PDS5B: variants seen among roughly 807,000 people sequenced by gnomAD.
PDS5B encodes the protein sister chromatid cohesion protein PDS5 homolog B.
In PDS5B, 51 loss-of-function variants were observed where a neutral mutation model predicts 184.1. The observed-to-expected ratio is 0.28, with a 90% CI of 0.22 to 0.35. PDS5B has a LOEUF of 0.35. PDS5B is among the 10% of genes least tolerant of loss of function. The pLI, the probability that PDS5B is intolerant of heterozygous loss-of-function variation, is 1.00. For missense variants in PDS5B, 1,180 were observed against 1,723.3 expected (o/e 0.68, Z 5.58); for synonymous variants, 566 against 569.2 (o/e 0.99, Z 0.08).
intron 25 of PDS5B, among the ~76,000 whole-genome samples, chr13:32,754,027 C>G (rs1177202547): frequency 6.6e-6 from 1 of 152,170 alleles, no homozygotes; most frequent in African/African-American, 2.4e-5. Context: ...TTATCTCACT[C>G]AGAAATCAGA....
chr13:32,695,553 A>G lies in PDS5B; in HGVS notation c.1551+1249A>G, dbSNP rs574505382. On this transcript the variant is annotated intron_variant, in intron 14 of 34. Transcript: ENST00000315596. ...GGCCAGAGATGTAAGAGTGTTTATT[A>G]AAATTTTAAGATGTTCTTACTTACA... is the stretch of plus-strand genomic sequence containing the variant. Among the ~76,000 whole-genome samples the G allele has an allele frequency of 2.0e-5, 3 of 152,154 alleles. No homozygotes were observed. The East Asian group carries it at 5.8e-4, about 29-fold the overall frequency.
chr13:32,752,859 C>T (rs1452810286), intron 24 of PDS5B, among the ~76,000 whole-genome samples: 2 of 152,108 alleles, frequency 1.3e-5, no homozygotes, highest in Non-Finnish European at 2.9e-5. Flanking sequence ...CAGGGTCTTG[C>T]TATGTCTGCC....
In PDS5B at chr13:32,775,099, T is replaced by C; in HGVS notation, c.*47T>C. 1 of 1,461,756 alleles carries C rather than the reference T, an allele frequency of 6.8e-7. No individual in the cohort carries two copies. The highest frequency in any genetic ancestry group is 9.4e-7 in the Non-Finnish European group (1 of 1,067,006). 90.5% of individuals were successfully genotyped at this position (1,461,756 alleles called of 1,614,324 possible). Reference sequence around the variant, plus strand: ...CTCTGTGAAAGCTTTGGAAAAATCTTTTTTTTTTTTTTTGGTCAAGCTTGA... The same window carrying C: ...CTCTGTGAAAGCTTTGGAAAAATCTCTTTTTTTTTTTTTGGTCAAGCTTGA... On this transcript the variant is annotated 3_prime_UTR_variant, in exon 35 of 35. Transcript: ENST00000315596.
chr13:32,770,901 T>C (rs1000897665), intron 33 of PDS5B, 140 bp downstream of exon 33: 2 of 648,186 alleles, frequency 3.1e-6, no homozygotes, highest in Non-Finnish European at 5.4e-6. Flanking sequence ...TTTTATAAAC[T>C]TACCTTAGTG....
At chr13:32,706,121 T>G (rs1438850690) in intron 17 of PDS5B, among the ~76,000 whole-genome samples, 1 of 151,808 alleles carries the variant, frequency 6.6e-6, no homozygotes, top group African/African-American at 2.4e-5. Context: ...CTACTAAAAA[T>G]ACAAAAATTA....
intron 17 of PDS5B, among the ~76,000 whole-genome samples, chr13:32,702,983 T>C (rs1951905186): frequency 6.6e-6 from 1 of 152,158 alleles, no homozygotes; most frequent in African/African-American, 2.4e-5. Flanking sequence ...ACCTAAAAAA[T>C]TGCCAGCTTA....
intron 1 of PDS5B, among the ~76,000 whole-genome samples, chr13:32,618,776 C>A (rs2058254538): frequency 6.6e-6 from 1 of 152,094 alleles, no homozygotes; most frequent in African/African-American, 2.4e-5. Flanking sequence ...AAATAGTTTC[C>A]TGCTTTAAAG....
intron 1 of PDS5B, among the ~76,000 whole-genome samples, chr13:32,631,471 G>A (rs1011807069): frequency 6.6e-6 from 1 of 152,112 alleles, no homozygotes; most frequent in African/African-American, 2.4e-5. Flanking sequence ...TTTAATATAA[G>A]CTATGCCACG....
At chr13:32,715,603 G>A (rs866856556) in intron 19 of PDS5B, among the ~76,000 whole-genome samples, 6 of 151,876 alleles carry the variant, frequency 4.0e-5, no homozygotes, top group Admixed American at 2.0e-4. Flanking sequence ...AACATTATTC[G>A]CTAATAAAAC....
At chr13:32,714,036 C>T (rs909061650) in intron 19 of PDS5B, among the ~76,000 whole-genome samples, 10 of 152,130 alleles carry the variant, frequency 6.6e-5, no homozygotes, top group East Asian at 1.9e-4. Context: ...TGGTAGGATC[C>T]GTGATGCCCC....
intron 1 of PDS5B, among the ~76,000 whole-genome samples, chr13:32,601,896 A>G (rs1352796959): frequency 3.3e-5 from 5 of 152,256 alleles, no homozygotes; most frequent in African/African-American, 2.4e-5. Flanking sequence ...TATTGCCAGC[A>G]CAAGTATAAG....
intron 1 of PDS5B, among the ~76,000 whole-genome samples, chr13:32,599,320 G>A (rs1004775200): frequency 2.0e-5 from 3 of 151,876 alleles, no homozygotes; most frequent in Non-Finnish European, 2.9e-5. Flanking sequence ...CTGGAGTGCA[G>A]TGGCGTGATC....
rs559968115 is a variant in PDS5B, at chr13:32,683,136, G to A, written c.1058-742G>A. Reference sequence around the variant, plus strand: ...CAAGCGATTCTCCTGCCTCAGCCTCGCGAGTAGCTGGGACTACAGCTGTGT... The same window carrying A: ...CAAGCGATTCTCCTGCCTCAGCCTCACGAGTAGCTGGGACTACAGCTGTGT... On this transcript the variant is annotated intron_variant, in intron 10 of 34. Coordinates refer to ENST00000315596, the MANE Select transcript of PDS5B (RefSeq NM_015032.4). 2.6e-5 allele frequency among the ~76,000 whole-genome samples: 4 copies of A among 151,018 alleles called. No individual in the cohort carries two copies. In the East Asian group the frequency reaches 5.9e-4, roughly 22 times the overall value.
At chr13:32,750,625 T>C (rs1449171758) in intron 24 of PDS5B, among the ~76,000 whole-genome samples, 1 of 151,210 alleles carries the variant, frequency 6.6e-6, no homozygotes, top group African/African-American at 2.4e-5. Context: ...CACTGTAACC[T>C]CTGCCTCCCG....
At chr13:32,633,781 A>C (rs1427576799) in intron 1 of PDS5B, among the ~76,000 whole-genome samples, 1 of 152,130 alleles carries the variant, frequency 6.6e-6, no homozygotes, top group African/African-American at 2.4e-5. Context: ...GATTTGTTGA[A>C]TATTTGTTTA....
intron 34 of PDS5B, among the ~76,000 whole-genome samples, chr13:32,773,666 A>G (rs1207395086): frequency 6.6e-6 from 1 of 152,136 alleles, no homozygotes; most frequent in Non-Finnish European, 1.5e-5. Flanking sequence ...TGGTATTTCT[A>G]TTTGGGTTTC....
chr13:32,753,087 T>A (rs1300482662), intron 24 of PDS5B, among the ~76,000 whole-genome samples: 1 of 152,194 alleles, frequency 6.6e-6, no homozygotes, highest in East Asian at 1.9e-4. Flanking sequence ...TTTACTAGTT[T>A]TTTTCTGTTT....
intron 19 of PDS5B, among the ~76,000 whole-genome samples, chr13:32,720,271 A>C (rs946003038): frequency 6.6e-6 from 1 of 152,132 alleles, no homozygotes; most frequent in Non-Finnish European, 1.5e-5. Flanking sequence ...ATGTGATGCA[A>C]CCAGTATTAG....
In PDS5B at chr13:32,764,500, C is replaced by T. The variant is rs373374290; in HGVS notation, c.3530C>T (p.Ser1177Phe). The change falls in exon 31 of 35, where the codon TCT (serine) becomes TTT (phenylalanine). Residue 1177 changes from serine (S) to phenylalanine (F), a missense_variant. By Grantham distance (155) the Ser-to-Phe change is radical (BLOSUM62 -2). Transcript: ENST00000315596. ...GTCTGTATTAAAAGGCTTGATAGTT[C>T]TGAAATGGATCACAGTGAAAATGAA... ...PGRIKGRLDS[S>F]EMDHSENEDY... 1.3e-6 allele frequency: 2 copies of T among 1,591,106 alleles called. No homozygotes were observed. Among genetic ancestry groups the T allele is most frequent in the African/African-American group, 2.7e-5 (2 of 74,014 alleles).
Sources: allele counts gnomAD v4.1 joint callset (sites outside exome capture counted in the v4.1 genomes callset), GRCh38; gene constraint gnomAD v4.1.1; transcripts MANE v1.5; gene names NCBI Gene and HGNC (gene_info 2026-07-23, HGNC 2026-07-21).